AFF1: variants seen among roughly 807,000 people sequenced by gnomAD.
The protein encoded by AFF1 is ALF transcription elongation factor 1, also known as AF4/FMR2 family member 1.
A neutral mutation model predicts 121.7 loss-of-function variants in AFF1; 48 were observed. The observed-to-expected ratio is 0.39, with a 90% CI of 0.31 to 0.50. The LOEUF (loss-of-function observed/expected upper bound fraction) is 0.50. AFF1 is among the 20% of genes least tolerant of loss of function. The pLI, the probability that AFF1 is intolerant of heterozygous loss-of-function variation, is 0.76. For missense variants in AFF1, 1,523 were observed against 1,511.7 expected, an observed-to-expected ratio of 1.01 and a Z score of -0.12; for synonymous variants, 613 against 563.0, an observed-to-expected ratio of 1.09 and a Z score of -1.26.
At chr4:87,050,168 A>G (rs891100978) in intron 4 of AFF1, among the ~76,000 whole-genome samples, 8 of 152,172 alleles carry the variant, frequency 5.3e-5, no homozygotes, top group African/African-American at 1.2e-4. Flanking sequence ...AATATTACCA[A>G]TAGCCTGGGT....
At chr4:87,033,980 A>G (rs1729311673) in intron 2 of AFF1, among the ~76,000 whole-genome samples, 1 of 152,178 alleles carries the variant, frequency 6.6e-6, no homozygotes, top group Non-Finnish European at 1.5e-5. Context: ...ACCTGCAGCC[A>G]CATGCATTCT....
chr4:86,951,615 C>CT (rs748093135), intron 2 of AFF1, among the ~76,000 whole-genome samples: 7,912 of 122,710 alleles, frequency 0.064, 662 homozygotes, highest in Non-Finnish European at 0.091. Flanking sequence ...TTTCTTTTTT[C>CT]TTTTTTTCTT....
At chr4:87,018,844 A>G (rs1190557538) in intron 2 of AFF1, among the ~76,000 whole-genome samples, 5 of 152,242 alleles carry the variant, frequency 3.3e-5, no homozygotes, top group Non-Finnish European at 7.3e-5. Flanking sequence ...ACATTAAACA[A>G]GTGTTGAAAA....
chr4:87,124,959 C>G, intron 12 of AFF1, 78 bp from the exon 13 acceptor site: 1 of 1,290,080 alleles, frequency 7.8e-7, no homozygotes, highest in Non-Finnish European at 1.0e-6. Context: ...CCCTCTTTGC[C>G]TTTTCTATAT....
chr4:87,112,380 A>C lies in AFF1; in HGVS notation c.1534-1987A>C, dbSNP rs144958338. On this transcript the variant is annotated intron_variant, in intron 11 of 20. Transcript: ENST00000395146. ...ACAGCATGAGTATACAGTTGACATA[A>C]GCGAAGGAAGCCGTAAGGAAGATAA... Among the ~76,000 whole-genome samples, 350 of 152,350 alleles carry C rather than the reference A, an allele frequency of 2.3e-3. 3 individuals carry two copies. Among genetic ancestry groups the C allele is most frequent in the African/African-American group, 8.0e-3 (332 of 41,584 alleles).
rs181236347 is a variant in AFF1, at chr4:86,963,952, T to C, written c.38+15381T>C. On this transcript the variant is annotated intron_variant, in intron 2 of 20. Transcript: ENST00000395146. ...CTATGATTACAGGTGTGAGTCACCA[T>C]GACTAGACTGGTTTTTTTTTTTTTT... Among the ~76,000 whole-genome samples, 545 of 146,788 alleles carry C rather than the reference T, an allele frequency of 3.7e-3. 2 individuals carry two copies. The highest frequency in any genetic ancestry group is 0.018 in the Middle Eastern group (5 of 282).
chr4:87,060,356 T>C (rs1720610290), intron 4 of AFF1, among the ~76,000 whole-genome samples: 1 of 152,100 alleles, frequency 6.6e-6, no homozygotes, highest in Non-Finnish European at 1.5e-5. Context: ...TCCTTTAGCA[T>C]GTGTGTGTGT....
intron 11 of AFF1, 102 bp downstream of exon 11, chr4:87,108,417 ATTCT>A: frequency 1.6e-6 from 2 of 1,286,800 alleles, no homozygotes; most frequent in Non-Finnish European, 2.1e-6. Flanking sequence ...AGACTGAGTC[ATTCT>A]GTCCCATGGG....
Position 87,011,078 on chromosome 4 carries a change from CAAAA to C in AFF1, c.39-35072_39-35069del, listed in dbSNP as rs10715968. ...TGGGTGACAGAGTGAGACTCCGTCT[CAAAA>C]AAAAAAAAAAAAAAAGAAAAAAAAA... is the stretch of plus-strand genomic sequence containing the variant. On this transcript the variant is annotated intron_variant, in intron 2 of 20. Transcript: ENST00000395146. Among the ~76,000 whole-genome samples, 9 of 70,780 alleles carry C rather than the reference CAAAA, an allele frequency of 1.3e-4. 1 individual carries two copies. The South Asian group carries it at 4.1e-3, about 32-fold the overall frequency. The allele number at this position is 70,780 out of a possible 152,430, so 46.4% of individuals were successfully genotyped here.
intron 2 of AFF1, among the ~76,000 whole-genome samples, chr4:86,998,650 AT>A (rs1725438477): frequency 6.6e-6 from 1 of 151,996 alleles, no homozygotes; most frequent in Non-Finnish European, 1.5e-5. Flanking sequence ...TTTAAAAATT[AT>A]TGTATTTTGT....
chr4:87,005,882 C>T (rs72667748), intron 2 of AFF1, among the ~76,000 whole-genome samples: 31,518 of 152,182 alleles, frequency 0.21, 3,433 homozygotes, highest in East Asian at 0.32. Context: ...TTGGTTAGTG[C>T]GAAGGCGCCA....
chr4:87,002,825 C>G (rs1725831295), intron 2 of AFF1, among the ~76,000 whole-genome samples: 1 of 152,124 alleles, frequency 6.6e-6, no homozygotes, highest in African/African-American at 2.4e-5. Context: ...CACGTGCTTC[C>G]TAAGTGGGTT....
At chr4:87,063,622 A>G (rs891433326) in intron 4 of AFF1, among the ~76,000 whole-genome samples, 5 of 152,188 alleles carry the variant, frequency 3.3e-5, no homozygotes, top group Non-Finnish European at 1.5e-5. Flanking sequence ...AGAAAATATG[A>G]GTGGGAAATA....
chr4:87,063,393 A>G (rs1052803429), intron 4 of AFF1, among the ~76,000 whole-genome samples: 1 of 151,828 alleles, frequency 6.6e-6, no homozygotes, highest in Non-Finnish European at 1.5e-5. Context: ...AGCATGCACC[A>G]CCAATCCTGG....
In AFF1 at chr4:87,135,652, A is replaced by G; in HGVS notation, c.3608A>G (p.Tyr1203Cys). 1 of 1,613,032 alleles carries G rather than the reference A, an allele frequency of 6.2e-7. No homozygotes were observed. Among genetic ancestry groups the G allele is most frequent in the Non-Finnish European group, 8.5e-7 (1 of 1,179,498 alleles). Residue 1203 changes from tyrosine (Y) to cysteine (C), a missense_variant, in exon 21 of 21, where the codon TAT becomes TGT. Physicochemically the swap from Tyr to Cys is radical, Grantham distance 194. Transcript: ENST00000395146. Reference protein sequence around the residue: ...LNSSLVDLVHYTRQGFQQLQE... With the variant: ...LNSSLVDLVHCTRQGFQQLQE... ...AGCAGTTTGGTGGACCTGGTGCACTATACACGACAGGGTTTTCAGCAGCTA... is the reference window on the plus strand; with the variant it reads ...AGCAGTTTGGTGGACCTGGTGCACTGTACACGACAGGGTTTTCAGCAGCTA...
At chr4:87,089,631 C>T (rs1724094950) in intron 5 of AFF1, among the ~76,000 whole-genome samples, 1 of 152,180 alleles carries the variant, frequency 6.6e-6, no homozygotes, top group Non-Finnish European at 1.5e-5. Flanking sequence ...GGAGAGACTG[C>T]TTTTCCAGCC....
chr4:87,045,922 C>T (rs927983190), intron 2 of AFF1, among the ~76,000 whole-genome samples: 1 of 152,076 alleles, frequency 6.6e-6, no homozygotes, highest in African/African-American at 2.4e-5. Flanking sequence ...TGATGGAGAC[C>T]ATGGCCCAGA....
intron 2 of AFF1, among the ~76,000 whole-genome samples, chr4:87,022,566 ATATATATATATATATATCTATCTATATC>A (rs1560547108): frequency 0.016 from 1,147 of 71,206 alleles, 25 homozygotes; most frequent in African/African-American, 0.059. Context: ...ATATATATAT[ATATATATATATATATATCTATCTATATC>A]TATCTGTGTG....
intron 2 of AFF1, among the ~76,000 whole-genome samples, chr4:86,953,240 C>G (rs1365753983): frequency 6.6e-6 from 1 of 152,024 alleles, no homozygotes; most frequent in African/African-American, 2.4e-5. Context: ...TGGGGATATC[C>G]TTTAAAAAGC....
Sources: gnomAD v4.1 joint callset for allele counts (sites outside exome capture counted in the v4.1 genomes callset) on GRCh38, gnomAD v4.1.1 for gene constraint, MANE v1.5 for transcripts, NCBI Gene and HGNC (gene_info 2026-07-23, HGNC 2026-07-21) for gene names.